Variants in ATP6V1H observed in about 807,000 individuals in gnomAD.
ATP6V1H encodes ATPase H+ transporting V1 subunit H.
In ATP6V1H, 39 loss-of-function variants were observed where a neutral mutation model predicts 71.7. The ratio of observed to expected loss-of-function variants is 0.54; its 90% CI spans 0.42 to 0.71. The LOEUF is 0.71. Ranked by LOEUF, ATP6V1H falls within the 30% of genes least tolerant of loss-of-function variation. ATP6V1H has a pLI of 0.00. For missense variants in ATP6V1H, 509 were observed against 594.9 expected (o/e 0.86, Z 1.50); for synonymous variants, 192 against 199.3 (o/e 0.96, Z 0.31).
chr8:53,784,113 G>C (rs927994783), intron 9 of ATP6V1H, among the ~76,000 whole-genome samples: 2 of 152,096 alleles, frequency 1.3e-5, no homozygotes, highest in Admixed American at 6.5e-5. Flanking sequence ...TTTCTGTCTA[G>C]TAGATCTGTC....
At chr8:53,814,018 G>T (rs565490935) in intron 6 of ATP6V1H, among the ~76,000 whole-genome samples, 1 of 152,152 alleles carries the variant, frequency 6.6e-6, no homozygotes, top group South Asian at 2.1e-4. Context: ...GCCAGACAAG[G>T]ACAAGCAGGT....
intron 13 of ATP6V1H, among the ~76,000 whole-genome samples, chr8:53,719,044 A>C (rs181236191): frequency 6.6e-6 from 1 of 152,362 alleles, no homozygotes; most frequent in Admixed American, 6.5e-5. Context: ...GTGGGGTGTT[A>C]GATGGCTTTC....
rs1458207496 is a variant in ATP6V1H, at chr8:53,814,734, C to A, written c.453G>T (p.Trp151Cys). The A allele has an allele frequency of 6.2e-7, 1 of 1,612,684 alleles. No individual in the cohort carries two copies. Among genetic ancestry groups the A allele is most frequent in the Middle Eastern group, 1.7e-4 (1 of 6,056 alleles). The change falls in exon 6 of 14, where the codon TGG becomes TGT. Residue 151 changes from tryptophan to cysteine, a missense_variant. Physicochemically the swap from Trp to Cys is radical, Grantham distance 215. This residue lies in a region of ATP6V1H where 297 missense variants were observed against 303.3 expected (regional missense o/e 0.98). Transcript: ENST00000359530. The part of the protein sequence containing the change: ...AARIIAKLAA[W>C]GKELMEGSDL... ...CACTGCCTTCCATCAGTTCTTTTCC[C>A]CAAGCTGCTAACTTGGCAATAATTC...
Position 53,814,738 on chromosome 8 carries a change from G to A in ATP6V1H, c.449C>T (p.Ala150Val), listed in dbSNP as rs1162335168. 6.2e-7 allele frequency: 1 copy of A among 1,611,952 alleles called. No homozygotes were observed. The highest frequency in any genetic ancestry group is 2.2e-5 in the East Asian group (1 of 44,772). ...MAARIIAKLA[A>V]WGKELMEGSD... ...GCCTTCCATCAGTTCTTTTCCCCAA[G>A]CTGCTAACTTGGCAATAATTCTTGC... is the stretch of plus-strand genomic sequence containing the variant. Residue 150 changes from alanine to valine, a missense_variant, in exon 6 of 14, where the codon GCT (alanine) becomes GTT (valine). Coordinates refer to ENST00000359530, the MANE Select transcript of ATP6V1H (RefSeq NM_015941.4).
intron 2 of ATP6V1H, among the ~76,000 whole-genome samples, chr8:53,836,623 G>A (rs142045686): frequency 3.3e-5 from 5 of 152,218 alleles, no homozygotes; most frequent in Admixed American, 6.5e-5. Context: ...GGATTTCCCC[G>A]CATCCAATTC....
chr8:53,805,407 G>A lies in ATP6V1H; in HGVS notation c.580-3511C>T, dbSNP rs1343635588. Among the ~76,000 whole-genome samples, 5 of 152,150 alleles carry A rather than the reference G, an allele frequency of 3.3e-5. No homozygotes were observed. The East Asian group carries it at 9.6e-4, about 29-fold the overall frequency. ...TCAAAGTTCTAAAAGTAATTAATATGTTTCATGACTATTAAACTTTTCTTT... is the reference window on the plus strand; with the variant it reads ...TCAAAGTTCTAAAAGTAATTAATATATTTCATGACTATTAAACTTTTCTTT... On this transcript the variant is annotated intron_variant, in intron 7 of 13. Coordinates refer to ENST00000359530, the MANE Select transcript of ATP6V1H (RefSeq NM_015941.4).
chr8:53,722,312 A>G (rs1207959016), intron 13 of ATP6V1H, among the ~76,000 whole-genome samples: 3 of 151,846 alleles, frequency 2.0e-5, no homozygotes, highest in African/African-American at 4.8e-5. Flanking sequence ...GGCAGCAAAC[A>G]CTCCTTTACC....
At chr8:53,806,259 A>T (rs192278040) in intron 7 of ATP6V1H, among the ~76,000 whole-genome samples, 5 of 149,466 alleles carry the variant, frequency 3.3e-5, no homozygotes, top group East Asian at 2.1e-4. Context: ...TGGGAAAAAT[A>T]AAAAAAAACT....
chr8:53,759,387 T>C (rs1808184238), intron 11 of ATP6V1H, among the ~76,000 whole-genome samples: 1 of 152,250 alleles, frequency 6.6e-6, no homozygotes, highest in African/African-American at 2.4e-5. Flanking sequence ...TTTTATGGTA[T>C]GCAATGAGAG....
chr8:53,814,211 A>C (rs781658120), intron 6 of ATP6V1H, among the ~76,000 whole-genome samples: 10 of 152,140 alleles, frequency 6.6e-5, no homozygotes, highest in African/African-American at 2.4e-4. Context: ...TTCTCGCACA[A>C]ATCTTGGTGG....
chr8:53,839,454 A>C (rs1245103830), intron 2 of ATP6V1H, among the ~76,000 whole-genome samples: 4 of 152,136 alleles, frequency 2.6e-5, no homozygotes, highest in Non-Finnish European at 5.9e-5. Context: ...GCCCCACAAT[A>C]ACCCAGTTCC....
At chr8:53,839,850 T>C in intron 2 of ATP6V1H, 1 of 985,454 alleles carries the variant, frequency 1.0e-6, no homozygotes, top group Non-Finnish European at 1.2e-6. Context: ...AAAATCAGCT[T>C]GAAAAGCACT....
chr8:53,733,134 A>C (rs533256603), intron 13 of ATP6V1H, among the ~76,000 whole-genome samples: 1 of 152,328 alleles, frequency 6.6e-6, no homozygotes, highest in African/African-American at 2.4e-5. Flanking sequence ...AATTTGCTCT[A>C]AACTATTATC....
rs151136978 is a variant in ATP6V1H at position 53,798,802 on chromosome 8, T to G, written c.678-2963A>C. On this transcript the variant is annotated intron_variant, in intron 8 of 13. Transcript: ENST00000359530. ...AAGGTTTATCTGATTACTGCTAATC[T>G]TATTAGTGGTCATTAGCATATCAAA... 2.2e-3 allele frequency among the ~76,000 whole-genome samples: 337 copies of G among 152,348 alleles called. 2 individuals are homozygous for G. The highest frequency in any genetic ancestry group is 7.8e-3 in the African/African-American group (326 of 41,578).
chr8:53,761,969 G>A (rs543809355), intron 11 of ATP6V1H, among the ~76,000 whole-genome samples: 77 of 152,238 alleles, frequency 5.1e-4, no homozygotes, highest in African/African-American at 1.8e-3. Flanking sequence ...CTGGCAGGGA[G>A]GTAAGCCAAG....
chr8:53,810,103 G>A (rs1316868460), intron 7 of ATP6V1H, among the ~76,000 whole-genome samples: 1 of 152,158 alleles, frequency 6.6e-6, no homozygotes, highest in Non-Finnish European at 1.5e-5. Context: ...ATATTAAATG[G>A]CTCCTACAGA....
At chr8:53,751,977 C>T (rs1326711178) in intron 12 of ATP6V1H, among the ~76,000 whole-genome samples, 1 of 152,118 alleles carries the variant, frequency 6.6e-6, no homozygotes, top group Non-Finnish European at 1.5e-5. Flanking sequence ...CAATAAAGAT[C>T]ATTTCTATCA....
At chr8:53,739,233 G>A (rs537873934) in intron 13 of ATP6V1H, among the ~76,000 whole-genome samples, 4 of 152,164 alleles carry the variant, frequency 2.6e-5, no homozygotes, top group Non-Finnish European at 5.9e-5. Flanking sequence ...GAATGTTTTG[G>A]TAACTTGATT....
chr8:53,720,034 A>C (rs1806562772), intron 13 of ATP6V1H, among the ~76,000 whole-genome samples: 1 of 152,208 alleles, frequency 6.6e-6, no homozygotes, highest in African/African-American at 2.4e-5. Context: ...ATGCAAGGAG[A>C]TCTTTTGTGA....
Sources: allele counts gnomAD v4.1 joint callset (sites outside exome capture counted in the v4.1 genomes callset), GRCh38; gene constraint gnomAD v4.1.1; regional missense constraint gnomAD v4.1.1; transcripts MANE v1.5; gene names NCBI Gene and HGNC (gene_info 2026-07-23, HGNC 2026-07-21).